AIF1L: variants seen among roughly 807,000 people sequenced by gnomAD.
The protein encoded by AIF1L is allograft inflammatory factor 1 like, also known as allograft inflammatory factor 1-like.
AIF1L carries 12 observed loss-of-function variants against 20.7 expected under a neutral mutation model. The observed-to-expected ratio is 0.58, with a 90% CI of 0.37 to 0.94. AIF1L has a LOEUF of 0.94. Among genes scored for constraint, AIF1L ranks in the 40% least tolerant of loss-of-function variants. The pLI is 0.01. For missense variants in AIF1L, 173 were observed against 185.3 expected, an observed-to-expected ratio of 0.93 and a Z score of 0.39; for synonymous variants, 76 against 65.1, an observed-to-expected ratio of 1.17 and a Z score of -0.81.
At chr9:131,104,573 A>T (rs923670026) in intron 2 of AIF1L, among the ~76,000 whole-genome samples, 36 of 152,152 alleles carry the variant, frequency 2.4e-4, no homozygotes, top group African/African-American at 8.4e-4. Flanking sequence ...CCCATCTGTC[A>T]AATGGGGATA....
chr9:131,106,373 G>A, intron 2 of AIF1L: 1 of 794,274 alleles, frequency 1.3e-6, no homozygotes. Flanking sequence ...AGAGGGTGTA[G>A]TAACCTCAGT....
intron 2 of AIF1L, among the ~76,000 whole-genome samples, chr9:131,097,390 T>C (rs1830552663): frequency 6.6e-6 from 1 of 151,988 alleles, no homozygotes; most frequent in Non-Finnish European, 1.5e-5. Flanking sequence ...TGGCCTTAGC[T>C]ATTGTTGTTA....
intron 3 of AIF1L, 45 bp downstream of exon 3, chr9:131,111,708 G>T (rs753506310): frequency 1.9e-6 from 3 of 1,584,792 alleles, no homozygotes; most frequent in African/African-American, 2.7e-5. Context: ...GGGGGAGGTG[G>T]GCTGGCCCCT....
chr9:131,116,845 C>T (rs1200655389), intron 4 of AIF1L, among the ~76,000 whole-genome samples: 3 of 152,248 alleles, frequency 2.0e-5, no homozygotes, highest in Non-Finnish European at 4.4e-5. Context: ...CGTGTGCAGC[C>T]CTTTCCCCCT....
chr9:131,120,141 G>A, intron 5 of AIF1L, 94 bp from the exon 6 acceptor site: 2 of 1,221,910 alleles, frequency 1.6e-6, no homozygotes, highest in Non-Finnish European at 2.3e-6. Context: ...TGAGGACCCT[G>A]CTGACATGAG....
chr9:131,097,275 G>A (rs1411695428), intron 2 of AIF1L, among the ~76,000 whole-genome samples: 2 of 152,180 alleles, frequency 1.3e-5, no homozygotes, highest in African/African-American at 4.8e-5. Flanking sequence ...GCTGGAGTTC[G>A]GTGGCCCAAT....
At chr9:131,098,783 A>G (rs1471010295) in intron 2 of AIF1L, among the ~76,000 whole-genome samples, 1 of 152,210 alleles carries the variant, frequency 6.6e-6, no homozygotes, top group African/African-American at 2.4e-5. Context: ...ACCTCAGGAC[A>G]GCGCCCAGAG....
In AIF1L at chr9:131,099,820, G is replaced by A. The variant is rs554167689; in HGVS notation, c.93+2957G>A. Among the ~76,000 whole-genome samples the A allele has an allele frequency of 5.3e-5, 8 of 150,544 alleles. No homozygotes were observed. The South Asian group carries it at 1.1e-3, about 20-fold the overall frequency. ...CAGTTCACTGCAACCTCCGCCTCTC[G>A]GGTTCAAGCGATTCTCCTGCCTCAG... On this transcript the variant is annotated intron_variant, in intron 2 of 5. Transcript: ENST00000247291.
intron 2 of AIF1L, 45 bp from the exon 3 acceptor site, chr9:131,111,552 T>C: frequency 6.3e-7 from 1 of 1,582,462 alleles, no homozygotes; most frequent in African/African-American, 1.3e-5. Context: ...GTGGGTGACT[T>C]CTGTCCCCAG....
At chr9:131,116,243 G>A (rs933331314) in intron 4 of AIF1L, among the ~76,000 whole-genome samples, 1 of 152,096 alleles carries the variant, frequency 6.6e-6, no homozygotes, top group Non-Finnish European at 1.5e-5. Context: ...AAACAATGGT[G>A]AGTATTTTGA....
chr9:131,119,931 G>A (rs564183255), intron 5 of AIF1L, among the ~76,000 whole-genome samples: 7 of 152,310 alleles, frequency 4.6e-5, no homozygotes, highest in East Asian at 1.9e-4. Flanking sequence ...TGTGGTTAAG[G>A]GAAGGGTATG....
At chr9:131,101,360 T>G (rs924979331) in intron 2 of AIF1L, among the ~76,000 whole-genome samples, 4 of 152,088 alleles carry the variant, frequency 2.6e-5, no homozygotes, top group African/African-American at 9.7e-5. Context: ...GACTCCTTTT[T>G]TTTTGAGACA....
intron 2 of AIF1L, among the ~76,000 whole-genome samples, chr9:131,109,573 C>G (rs923096657): frequency 6.6e-6 from 1 of 151,866 alleles, no homozygotes; most frequent in Non-Finnish European, 1.5e-5. Context: ...AAAACAAAAA[C>G]AAAAACAAAA....
chr9:131,105,742 T>C (rs535883278), intron 2 of AIF1L, among the ~76,000 whole-genome samples: 1 of 152,238 alleles, frequency 6.6e-6, no homozygotes, highest in South Asian at 2.1e-4. Flanking sequence ...CAAAGCTGCC[T>C]GATCGTTGCA....
At chr9:131,106,326 C>T in intron 2 of AIF1L, 2 of 1,222,694 alleles carry the variant, frequency 1.6e-6, no homozygotes, top group Non-Finnish European at 2.3e-6. Context: ...TATTGAGCGT[C>T]TGCTATGTGG....
intron 4 of AIF1L, among the ~76,000 whole-genome samples, chr9:131,117,542 C>T (rs762859685): frequency 1.2e-4 from 19 of 152,214 alleles, no homozygotes; most frequent in Non-Finnish European, 2.5e-4. Context: ...GATTCCAATG[C>T]AAGCCCGTCT....
At chr9:131,111,328 T>G in intron 2 of AIF1L, 1 of 401,262 alleles carries the variant, frequency 2.5e-6, no homozygotes, top group Non-Finnish European at 4.5e-6. Context: ...GTCCCAGCAT[T>G]GGTAATGTAG....
chr9:131,096,915 G>C, intron 2 of AIF1L, 52 bp downstream of exon 2: 1 of 1,483,498 alleles, frequency 6.7e-7, no homozygotes, highest in Non-Finnish European at 8.9e-7. Context: ...GCGCTGCGCG[G>C]GTGCCACCTC....
intron 2 of AIF1L, among the ~76,000 whole-genome samples, chr9:131,099,729 CTTT>C (rs5900920): frequency 9.7e-5 from 11 of 113,026 alleles, no homozygotes; most frequent in African/African-American, 1.0e-4. Flanking sequence ...TCAGCCTTAG[CTTT>C]TTTTTTTTTT....
Sources: gnomAD v4.1 joint callset for allele counts (sites outside exome capture counted in the v4.1 genomes callset) on GRCh38, gnomAD v4.1.1 for gene constraint, MANE v1.5 for transcripts, NCBI Gene and HGNC (gene_info 2026-07-23, HGNC 2026-07-21) for gene names.